Variants in SH3GL2 observed in about 807,000 individuals in gnomAD.
SH3GL2 encodes endophilin-A1.
Under a neutral mutation model 46.0 loss-of-function variants are expected in SH3GL2, and 24 were observed. The ratio of observed to expected loss-of-function variants is 0.52; its 90% confidence interval spans 0.38 to 0.73. The LOEUF (loss-of-function observed/expected upper bound fraction) is 0.73. Ranked by LOEUF, SH3GL2 falls within the 30% of genes least tolerant of loss-of-function variation. The pLI, the probability that SH3GL2 is intolerant of heterozygous loss-of-function variation, is 0.00. For synonymous variants in SH3GL2, 196 were observed against 147.1 expected, an observed-to-expected ratio of 1.33 and a Z score of -2.40; for missense variants, 413 against 424.2, an observed-to-expected ratio of 0.97 and a Z score of 0.23.
intron 5 of SH3GL2, 36 bp from the exon 6 acceptor site, chr9:17,789,356 C>A: frequency 1.9e-6 from 3 of 1,586,968 alleles, no homozygotes; most frequent in Non-Finnish European, 1.7e-6. Context: ...TTCCATAAGC[C>A]CTTTCAAAGC....
rs745433630 is a variant in SH3GL2 at position 17,761,515 on chromosome 9, G to A, written c.187+6G>A. The A allele has an allele frequency of 1.3e-6, 2 of 1,532,122 alleles. No individual in the cohort carries two copies. Among genetic ancestry groups the A allele is most frequent in the Non-Finnish European group, 9.0e-7 (1 of 1,105,198 alleles). 94.9% of individuals were successfully genotyped at this position (1,532,122 alleles called of 1,614,324 possible). ...ATACCTTCAACCCAATCCAGGTAAG[G>A]CATCATCTTATATGTTTAAAGGATC... On this transcript the variant is annotated splice_donor_region_variant and intron_variant, in intron 3 of 8. Coordinates refer to ENST00000380607, the MANE Select transcript of SH3GL2 (RefSeq NM_003026.5).
chr9:17,664,269 C>G (rs1044091240), intron 1 of SH3GL2, among the ~76,000 whole-genome samples: 1 of 152,114 alleles, frequency 6.6e-6, no homozygotes, highest in South Asian at 2.1e-4. Flanking sequence ...GTTAGCAAAG[C>G]AAGCTTCCTT....
intron 2 of SH3GL2, among the ~76,000 whole-genome samples, chr9:17,750,471 C>G (rs1822811709): frequency 6.6e-6 from 1 of 152,168 alleles, no homozygotes; most frequent in Admixed American, 6.5e-5. Context: ...TCCCTTAGCT[C>G]TGCAGCCCTC....
At chr9:17,769,950 A>G (rs538721803) in intron 3 of SH3GL2, among the ~76,000 whole-genome samples, 5 of 152,298 alleles carry the variant, frequency 3.3e-5, no homozygotes, top group African/African-American at 9.6e-5. Context: ...TCCTTTATAT[A>G]TACCCAGTTC....
intron 1 of SH3GL2, among the ~76,000 whole-genome samples, chr9:17,606,761 G>A (rs1271648448): frequency 1.3e-5 from 2 of 152,116 alleles, no homozygotes; most frequent in African/African-American, 2.4e-5. Context: ...CTTAATGTTA[G>A]TTGTTCCATA....
chr9:17,780,482 A>ATT (rs59714232), intron 3 of SH3GL2, among the ~76,000 whole-genome samples: 18,520 of 147,482 alleles, frequency 0.13, 1,297 homozygotes, highest in African/African-American at 0.16. Context: ...TTTTTTTTTA[A>ATT]TTTTTTTTTT....
chr9:17,791,827 G>C (rs938130439), intron 7 of SH3GL2, among the ~76,000 whole-genome samples: 2 of 152,160 alleles, frequency 1.3e-5, no homozygotes, highest in Non-Finnish European at 2.9e-5. Flanking sequence ...TTCACATCTT[G>C]TGTTTCTCTG....
intron 3 of SH3GL2, among the ~76,000 whole-genome samples, chr9:17,772,167 A>T (rs984222633): frequency 3.3e-5 from 5 of 152,178 alleles, no homozygotes; most frequent in Non-Finnish European, 7.3e-5. Context: ...GCCAAAATGA[A>T]ATGCATGCTA....
intron 1 of SH3GL2, among the ~76,000 whole-genome samples, chr9:17,708,671 A>G (rs994004975): frequency 6.6e-6 from 1 of 152,008 alleles, no homozygotes; most frequent in African/African-American, 2.4e-5. Flanking sequence ...TGTGGCTAAG[A>G]TAATGCCTCT....
At position 17,710,555 on chromosome 9, in the gene SH3GL2, G is replaced by C. The variant is rs529083196; in HGVS notation, c.46-36511G>C. On this transcript the variant is annotated intron_variant, in intron 1 of 8. Coordinates refer to ENST00000380607, the MANE Select transcript of SH3GL2 (RefSeq NM_003026.5). ...TGCAGGAATTCTACTTCTAGATGTA[G>C]ACTCAAAAGAACTGAAAGCAGAGAC... Among the ~76,000 whole-genome samples, 4 of 152,034 alleles carry C rather than the reference G, an allele frequency of 2.6e-5. No homozygotes were observed. In the East Asian group the frequency reaches 7.8e-4, roughly 29 times the overall value.
Position 17,795,797 on chromosome 9 carries a change from A to G in SH3GL2, c.*54A>G. ...TTGACCCAGATAGTTACGGTTAACC[A>G]CTGCTTTGGCAATGCTGCTTATAAC... On this transcript the variant is annotated 3_prime_UTR_variant, in exon 9 of 9. Coordinates refer to ENST00000380607, the MANE Select transcript of SH3GL2 (RefSeq NM_003026.5). 6.9e-7 allele frequency: 1 copy of G among 1,438,936 alleles called. No homozygotes were observed. Among genetic ancestry groups the G allele is most frequent in the Non-Finnish European group, 9.7e-7 (1 of 1,033,218 alleles). 89.1% of individuals were successfully genotyped at this position (1,438,936 alleles called of 1,614,324 possible).
chr9:17,684,128 A>G (rs767237950), intron 1 of SH3GL2, among the ~76,000 whole-genome samples: 1 of 152,150 alleles, frequency 6.6e-6, no homozygotes, highest in Non-Finnish European at 1.5e-5. Flanking sequence ...TATGAACCAG[A>G]TGTTAGAACT....
chr9:17,675,238 T>C (rs1820577146), intron 1 of SH3GL2, among the ~76,000 whole-genome samples: 1 of 152,176 alleles, frequency 6.6e-6, no homozygotes, highest in Non-Finnish European at 1.5e-5. Flanking sequence ...AACATTTGTA[T>C]CTCTCATAGC....
intron 1 of SH3GL2, among the ~76,000 whole-genome samples, chr9:17,714,227 C>G (rs1483160478): frequency 6.6e-6 from 1 of 151,528 alleles, no homozygotes; most frequent in Non-Finnish European, 1.5e-5. Flanking sequence ...ACCTTTTTTC[C>G]TAACCTATTA....
At position 17,617,730 on chromosome 9, in the gene SH3GL2, A is replaced by G. The variant is rs955283366; in HGVS notation, c.45+38443A>G. ...TAGCTAACTGAGTTTTCAGCTGACAAATTGCTTGCTTTTGGAGTCAAGTGT... is the reference window on the plus strand; with the variant it reads ...TAGCTAACTGAGTTTTCAGCTGACAGATTGCTTGCTTTTGGAGTCAAGTGT... On this transcript the variant is annotated intron_variant, in intron 1 of 8. Transcript: ENST00000380607. Among the ~76,000 whole-genome samples, 5 of 152,266 alleles carry G rather than the reference A, an allele frequency of 3.3e-5. No homozygotes were observed. In the South Asian group the frequency reaches 8.3e-4, roughly 25 times the overall value.
intron 5 of SH3GL2, among the ~76,000 whole-genome samples, chr9:17,788,092 G>T (rs1192102205): frequency 6.6e-6 from 1 of 152,098 alleles, no homozygotes; most frequent in Non-Finnish European, 1.5e-5. Flanking sequence ...AGTGTGGAAT[G>T]TTTGCTCACT....
chr9:17,791,348 C>G lies in SH3GL2; in HGVS notation c.728+14C>G. 6.7e-7 allele frequency: 1 copy of G among 1,490,250 alleles called. No homozygotes were observed. 92.3% of individuals were successfully genotyped at this position (1,490,250 alleles called of 1,614,324 possible). ...ACTGGAAGAAAGGTATTCTACAGTT[C>G]CCTGCATTTCACATTTGCATTTTAT... On this transcript the variant is annotated intron_variant, in intron 7 of 8. Transcript: ENST00000380607.
At chr9:17,757,325 A>C (rs1183671729) in intron 2 of SH3GL2, among the ~76,000 whole-genome samples, 1 of 152,248 alleles carries the variant, frequency 6.6e-6, no homozygotes, top group African/African-American at 2.4e-5. Context: ...TAATTAAACT[A>C]AAGAGCTTCT....
intron 3 of SH3GL2, among the ~76,000 whole-genome samples, chr9:17,762,649 TGGAAGAAAATGTGATAAGCTATA>T (rs1423149992): frequency 1.3e-5 from 2 of 152,182 alleles, no homozygotes; most frequent in Non-Finnish European, 2.9e-5. Context: ...GAGGAAAATA[TGGAAGAAAATGTGATAAGCTATA>T]GGAACCAGGA....
Sources: allele counts gnomAD v4.1 joint callset (sites outside exome capture counted in the v4.1 genomes callset), GRCh38; gene constraint gnomAD v4.1.1; transcripts MANE v1.5; gene names NCBI Gene and HGNC (gene_info 2026-07-23, HGNC 2026-07-21).